Variants in DIAPH3 observed in about 807,000 individuals in gnomAD.
The protein encoded by DIAPH3 is protein diaphanous homolog 3.
DIAPH3 carries 117 observed loss-of-function variants against 144.3 expected under a neutral mutation model. The ratio of observed to expected loss-of-function variants is 0.81; its 90% CI spans 0.70 to 0.95. DIAPH3 has a LOEUF of 0.95. Ranked by LOEUF, DIAPH3 falls within the 40% of genes least tolerant of loss-of-function variation. The pLI, the probability that DIAPH3 is intolerant of heterozygous loss-of-function variation, is 0.00. For missense variants in DIAPH3, 1,421 were observed against 1,412.7 expected (o/e 1.01, Z -0.09); for synonymous variants, 519 against 488.9 (o/e 1.06, Z -0.81).
intron 7 of DIAPH3, chr13:60,012,999 GCAAAA>G: frequency 1.0e-6 from 1 of 985,130 alleles, no homozygotes; most frequent in Non-Finnish European, 1.2e-6. Flanking sequence ...AAAAAACATA[GCAAAA>G]CAAAACAAAA....
intron 4 of DIAPH3, among the ~76,000 whole-genome samples, chr13:60,075,883 G>A (rs1281097711): frequency 6.6e-6 from 1 of 152,178 alleles, no homozygotes. Context: ...AGTGTTGACC[G>A]TATCTTCCAT....
At chr13:60,161,258 C>T (rs934777180) in intron 1 of DIAPH3, among the ~76,000 whole-genome samples, 1 of 152,148 alleles carries the variant, frequency 6.6e-6, no homozygotes, top group Non-Finnish European at 1.5e-5. Flanking sequence ...CAAGAAAAAG[C>T]CAAGAACTAA....
intron 1 of DIAPH3, among the ~76,000 whole-genome samples, chr13:60,141,664 A>T (rs1406214820): frequency 1.3e-5 from 2 of 152,262 alleles, no homozygotes; most frequent in Non-Finnish European, 2.9e-5. Flanking sequence ...ACTGTTAATT[A>T]AATATTGCTA....
At chr13:59,799,685 G>T (rs1373357701) in intron 25 of DIAPH3, among the ~76,000 whole-genome samples, 1 of 152,194 alleles carries the variant, frequency 6.6e-6, no homozygotes, top group African/African-American at 2.4e-5. Context: ...TCCCACAAAT[G>T]TGAATTCCAT....
intron 20 of DIAPH3, among the ~76,000 whole-genome samples, chr13:59,909,665 C>G (rs2046900253): frequency 6.6e-6 from 1 of 152,216 alleles, no homozygotes; most frequent in South Asian, 2.1e-4. Flanking sequence ...AGGCATTGTT[C>G]ATATTGTCTG....
intron 5 of DIAPH3, among the ~76,000 whole-genome samples, chr13:60,021,861 A>G (rs1269655089): frequency 6.6e-6 from 1 of 152,124 alleles, no homozygotes; most frequent in African/African-American, 2.4e-5. Context: ...CCAATAACCC[A>G]AATGGACAAG....
At chr13:60,122,639 A>G (rs2058877061) in intron 2 of DIAPH3, among the ~76,000 whole-genome samples, 2 of 152,190 alleles carry the variant, frequency 1.3e-5, no homozygotes, top group South Asian at 4.1e-4. Context: ...CAATATTTTA[A>G]ATAAAAAATA....
intron 9 of DIAPH3, among the ~76,000 whole-genome samples, chr13:60,004,898 A>C (rs17668885): frequency 0.014 from 2,131 of 152,292 alleles, 28 homozygotes; most frequent in Middle Eastern, 0.02. Context: ...ATCATCACCT[A>C]CTATGTCCCA....
At chr13:60,125,442 T>A (rs2138179284) in intron 2 of DIAPH3, among the ~76,000 whole-genome samples, 1 of 145,172 alleles carries the variant, frequency 6.9e-6, no homozygotes, top group African/African-American at 2.6e-5. Flanking sequence ...GGTCTCCCTA[T>A]CTTGCCCAGG....
chr13:60,133,602 T>C (rs2059196355), intron 1 of DIAPH3, among the ~76,000 whole-genome samples: 1 of 152,184 alleles, frequency 6.6e-6, no homozygotes, highest in Non-Finnish European at 1.5e-5. Flanking sequence ...TCAATTTCAT[T>C]GCTAGCTTCA....
At chr13:60,092,804 T>TCTAG (rs2057993325) in intron 4 of DIAPH3, among the ~76,000 whole-genome samples, 1 of 152,236 alleles carries the variant, frequency 6.6e-6, no homozygotes, top group South Asian at 2.1e-4. Flanking sequence ...CAATGACTGG[T>TCTAG]CTAGCAGTTA....
intron 21 of DIAPH3, among the ~76,000 whole-genome samples, chr13:59,864,584 A>G (rs1459110258): frequency 6.6e-6 from 1 of 152,086 alleles, no homozygotes; most frequent in Non-Finnish European, 1.5e-5. Context: ...AGAAATCTCA[A>G]TGACGGAAGA....
intron 27 of DIAPH3, among the ~76,000 whole-genome samples, chr13:59,705,843 T>A (rs2034391059): frequency 6.6e-6 from 1 of 152,286 alleles, no homozygotes; most frequent in East Asian, 1.9e-4. Flanking sequence ...ATTTCATGGT[T>A]TAAATGCACA....
At chr13:59,705,437 T>A (rs1253485623) in intron 27 of DIAPH3, among the ~76,000 whole-genome samples, 1 of 152,108 alleles carries the variant, frequency 6.6e-6, no homozygotes, top group Non-Finnish European at 1.5e-5. Context: ...TGGCAAAAAT[T>A]TTTCCCCCTG....
At chr13:59,870,165 CT>C (rs35111180) in intron 21 of DIAPH3, among the ~76,000 whole-genome samples, 1,620 of 143,454 alleles carry the variant, frequency 0.011, 23 homozygotes, top group African/African-American at 0.03. Context: ...GGTCTGGCAA[CT>C]TTTTTTTTTT....
At chr13:59,717,435 G>A (rs1327999911) in intron 27 of DIAPH3, among the ~76,000 whole-genome samples, 2 of 152,210 alleles carry the variant, frequency 1.3e-5, no homozygotes, top group South Asian at 4.1e-4. Context: ...GGTCTCTGTT[G>A]CTTCCTCTAC....
chr13:60,159,989 G>T (rs1952210429), intron 1 of DIAPH3, among the ~76,000 whole-genome samples: 1 of 152,168 alleles, frequency 6.6e-6, no homozygotes, highest in Non-Finnish European at 1.5e-5. Context: ...ACTTTGGGAG[G>T]CCGAGGTGGG....
At chr13:59,802,768 G>A (rs2040004340) in intron 25 of DIAPH3, among the ~76,000 whole-genome samples, 1 of 130,760 alleles carries the variant, frequency 7.6e-6, no homozygotes, top group African/African-American at 2.8e-5. Context: ...TGCAAGCTCC[G>A]CTTCGCGGGT....
At chr13:60,082,810 GTTAAAACTAAA>G (rs2057606999) in intron 4 of DIAPH3, among the ~76,000 whole-genome samples, 1 of 151,988 alleles carries the variant, frequency 6.6e-6, no homozygotes, top group Non-Finnish European at 1.5e-5. Flanking sequence ...ACTAAATGAG[GTTAAAACTAAA>G]TGAGAACTAA....
Sources: gnomAD v4.1 joint callset for allele counts (sites outside exome capture counted in the v4.1 genomes callset) on GRCh38, gnomAD v4.1.1 for gene constraint, MANE v1.5 for transcripts, NCBI Gene and HGNC (gene_info 2026-07-23, HGNC 2026-07-21) for gene names.